Variants in UBN1 observed in about 807,000 individuals in gnomAD.
UBN1 encodes ubinuclein 1, also known as ubinuclein-1.
A neutral mutation model predicts 108.5 loss-of-function variants in UBN1; 17 were observed. The ratio of observed to expected loss-of-function variants is 0.16; its 90% CI spans 0.11 to 0.24. The LOEUF is 0.24. Ranked by LOEUF, UBN1 falls within the 10% of genes least tolerant of loss-of-function variation. The probability of loss-of-function intolerance (pLI) is 1.00; values close to 1 mark genes in which losing one functional copy is unlikely to be tolerated. For synonymous variants in UBN1, 726 were observed against 564.2 expected (o/e 1.29, Z -4.07); for missense variants, 1,595 against 1,394.4 (o/e 1.14, Z -2.29).
In UBN1 at chr16:4,880,519, C is replaced by G. The variant is rs2088046673; in HGVS notation, c.*387C>G. Reference sequence around the variant, plus strand: ...CATTTGGTCAGAGTACCTCAGAGCACCCCACTGCTCAGGGGCTCCTTCTGG... The same window carrying G: ...CATTTGGTCAGAGTACCTCAGAGCAGCCCACTGCTCAGGGGCTCCTTCTGG... On this transcript the variant is annotated 3_prime_UTR_variant, in exon 18 of 18. Coordinates refer to ENST00000262376, the MANE Select transcript of UBN1 (RefSeq NM_001079514.3). 4.9e-6 allele frequency: 1 copy of G among 203,176 alleles called. No individual in the cohort carries two copies. The highest frequency in any genetic ancestry group is 1.0e-5 in the Non-Finnish European group (1 of 95,986). The allele number at this position is 203,176 out of a possible 1,614,324, so 12.6% of individuals were successfully genotyped here.
intron 2 of UBN1, among the ~76,000 whole-genome samples, chr16:4,854,896 G>A (rs1267037744): frequency 1.3e-5 from 2 of 151,948 alleles, no homozygotes; most frequent in Non-Finnish European, 2.9e-5. Flanking sequence ...TTAATTTTTT[G>A]TATTTTTAGT....
chr16:4,874,391 T>C lies in UBN1; in HGVS notation c.1981T>C (p.Leu661=), dbSNP rs146701693. Residue 661 remains leucine (L), a synonymous_variant, in exon 15 of 18, where the codon TTG becomes CTG. Transcript: ENST00000262376. ...TCCTCCTGTCAACCTGGAGGACTCA[T>C]TGGATGAAGACTTGATCCGCAATCC... ...NPPPVNLEDS[L]DEDLIRNPAS... is the part of the protein sequence containing the mutation. 34 of 1,613,936 alleles carry C rather than the reference T, an allele frequency of 2.1e-5. No individual in the cohort carries two copies. Among genetic ancestry groups the C allele is most frequent in the African/African-American group, 1.5e-4 (11 of 74,948 alleles).
chr16:4,851,038 G>A (rs2086532494), intron 1 of UBN1, among the ~76,000 whole-genome samples: 1 of 152,176 alleles, frequency 6.6e-6, no homozygotes, highest in Admixed American at 6.6e-5. Flanking sequence ...TTCAGAAACA[G>A]GCCTTAGATA....
chr16:4,868,738 C>T (rs1596507408), intron 7 of UBN1, 95 bp from the exon 8 acceptor site: 3 of 1,215,700 alleles, frequency 2.5e-6, no homozygotes, highest in Non-Finnish European at 1.2e-6. Context: ...TTGACAGGTG[C>T]TCTTTATGGA....
At chr16:4,849,171 T>G (rs1420402546) in intron 1 of UBN1, among the ~76,000 whole-genome samples, 1 of 152,200 alleles carries the variant, frequency 6.6e-6, no homozygotes, top group Non-Finnish European at 1.5e-5. Flanking sequence ...GCATTCCCCT[T>G]AACATCAGAA....
In UBN1 at chr16:4,869,616, A is replaced by T. The variant is rs995717661; in HGVS notation, c.1182-596A>T. ...TACCACATGGCCTCGCCTGGCCGGGACCTGGATTGGCCCCTTGGGTCAGGA... is the reference window on the plus strand; with the variant it reads ...TACCACATGGCCTCGCCTGGCCGGGTCCTGGATTGGCCCCTTGGGTCAGGA... On this transcript the variant is annotated intron_variant, in intron 8 of 17. Coordinates refer to ENST00000262376, the MANE Select transcript of UBN1 (RefSeq NM_001079514.3). Among the ~76,000 whole-genome samples the T allele has an allele frequency of 1.1e-4, 17 of 152,168 alleles. 1 individual carries two copies. Among genetic ancestry groups the T allele is most frequent in the African/African-American group, 4.1e-4 (17 of 41,422 alleles).
Position 4,860,891 on chromosome 16 carries a change from A to G in UBN1, c.899A>G (p.Asp300Gly). The change falls in exon 7 of 18, where the codon GAC (aspartate) becomes GGC (glycine). Residue 300 changes from aspartate to glycine, a missense_variant. Transcript: ENST00000262376. ...CTCTTTGGCTCTACTTCTGACAACG[A>G]CTTGCTCCAGGCGGCCACTGCCATG... ...LSLFGSTSDN[D>G]LLQAATAMDS... The G allele has an allele frequency of 2.5e-6, 4 of 1,614,242 alleles. No individual in the cohort carries two copies. The highest frequency in any genetic ancestry group is 3.4e-6 in the Non-Finnish European group (4 of 1,180,050).
chr16:4,870,939 C>T lies in UBN1; in HGVS notation c.1526C>T (p.Pro509Leu), dbSNP rs751104114. ...EEKGGRRIMG[P>L]RKKFQWNDEI... ...AAAGGGGGCAGGAGGATAATGGGAC[C>T]TCGGAAGAAGTTCCAATGGAATGAT... Residue 509 changes from proline to leucine, a missense_variant, in exon 11 of 18, where the codon CCT becomes CTT. Coordinates refer to ENST00000262376, the MANE Select transcript of UBN1 (RefSeq NM_001079514.3). 1.2e-6 allele frequency: 2 copies of T among 1,614,158 alleles called. No individual in the cohort carries two copies. The highest frequency in any genetic ancestry group is 1.1e-5 in the South Asian group (1 of 91,080).
At chr16:4,862,848 C>A (rs1001687119) in intron 7 of UBN1, among the ~76,000 whole-genome samples, 1 of 152,240 alleles carries the variant, frequency 6.6e-6, no homozygotes, top group Admixed American at 6.5e-5. Context: ...AGCTGCCCCT[C>A]CTCAGTGATT....
At chr16:4,850,263 C>T (rs1034189372) in intron 1 of UBN1, among the ~76,000 whole-genome samples, 13 of 152,092 alleles carry the variant, frequency 8.5e-5, no homozygotes, top group Non-Finnish European at 1.6e-4. Flanking sequence ...TTTTTACCTT[C>T]TTGGGCCTGG....
In UBN1 at chr16:4,874,661, CAGG is replaced by C. The variant is rs1391722643; in HGVS notation, c.2254_2256del (p.Glu752del). The C allele has an allele frequency of 1.9e-6, 3 of 1,614,104 alleles. No homozygotes were observed. In the African/African-American group the frequency reaches 4.0e-5, roughly 22 times the overall value. On this transcript the variant is annotated inframe_deletion, in exon 15 of 18. Transcript: ENST00000262376. ...GGCTCTGGCACTGGGGCAGTCCTCT[CAGG>C]AGAAAAAACCAGAGAGTTCTGGCTA... is the stretch of plus-strand genomic sequence containing the variant.
intron 7 of UBN1, among the ~76,000 whole-genome samples, chr16:4,863,452 A>G (rs1352851254): frequency 6.6e-6 from 1 of 152,134 alleles, no homozygotes; most frequent in African/African-American, 2.4e-5. Context: ...TATGATTCCA[A>G]AAGCCACATG....
rs140480413 is a variant in UBN1, at chr16:4,853,021, A to G, written c.104A>G (p.His35Arg). The G allele has an allele frequency of 1.1e-4, 178 of 1,614,110 alleles. No homozygotes were observed. Among genetic ancestry groups the G allele is most frequent in the Non-Finnish European group, 1.4e-4 (170 of 1,180,050 alleles). The part of the protein sequence containing the change: ...RKEEAGAGEQ[H>R]QDCEPAAAAV... ...GAGGAGGCTGGGGCAGGAGAACAGC[A>G]TCAGGACTGTGAGCCGGCTGCAGCA... Residue 35 changes from histidine (H) to arginine (R), a missense_variant, in exon 2 of 18, where the codon CAT becomes CGT. This residue lies in a region of UBN1 where 181 missense variants were observed against 157.3 expected (regional missense o/e 1.15). Coordinates refer to ENST00000262376, the MANE Select transcript of UBN1 (RefSeq NM_001079514.3).
At position 4,852,906 on chromosome 16, in the gene UBN1, T is replaced by G; in HGVS notation, c.-12T>G. On this transcript the variant is annotated 5_prime_UTR_variant, in exon 2 of 18. Transcript: ENST00000262376. ...GCCATGCAGTGACACCCGCTAAGAC[T>G]TGTTGGTAGCCATGTCGGAGCCCCA... 2 of 1,611,500 alleles carry G rather than the reference T, an allele frequency of 1.2e-6. No individual in the cohort carries two copies. The highest frequency in any genetic ancestry group is 1.7e-6 in the Non-Finnish European group (2 of 1,178,002).
At chr16:4,874,148 A>C in intron 14 of UBN1, 63 bp from the exon 15 acceptor site, 1 of 1,497,070 alleles carries the variant, frequency 6.7e-7, no homozygotes. Flanking sequence ...TTGTATCCTC[A>C]CAACAGGCCA....
chr16:4,873,725 A>T (rs1218852282), intron 14 of UBN1, among the ~76,000 whole-genome samples: 1 of 152,108 alleles, frequency 6.6e-6, no homozygotes, highest in Admixed American at 6.6e-5. Flanking sequence ...GAAGGATTAG[A>T]CCCCATTCCT....
chr16:4,857,230 G>T (rs1385113837), intron 2 of UBN1, among the ~76,000 whole-genome samples: 1 of 151,528 alleles, frequency 6.6e-6, no homozygotes, highest in East Asian at 1.9e-4. Flanking sequence ...TATGCCTATA[G>T]TCCCAGCTAT....
chr16:4,861,131 C>A, intron 7 of UBN1, 29 bp downstream of exon 7: 1 of 1,587,138 alleles, frequency 6.3e-7, no homozygotes, highest in Non-Finnish European at 8.6e-7. Flanking sequence ...GCTGGGCTTT[C>A]CTGGAAGCAG....
rs761460752 is a variant in UBN1 at position 4,874,407 on chromosome 16, T to C, written c.1997T>C (p.Ile666Thr). 1 of 1,613,866 alleles carries C rather than the reference T, an allele frequency of 6.2e-7. No homozygotes were observed. Residue 666 changes from isoleucine to threonine, a missense_variant, in exon 15 of 18, where the codon ATC becomes ACC. By Grantham distance (89) the Ile-to-Thr change is moderately conservative. Around this residue, in one of 3 missense-constraint regions of UBN1, gnomAD observed 1,398 missense variants for 1,194.7 expected, o/e 1.17. Coordinates refer to ENST00000262376, the MANE Select transcript of UBN1 (RefSeq NM_001079514.3). ...NLEDSLDEDL[I>T]RNPASSVEAV... ...GAGGACTCATTGGATGAAGACTTGA[T>C]CCGCAATCCAGCCTCCTCGGTGGAA...
Sources: allele counts gnomAD v4.1 joint callset (sites outside exome capture counted in the v4.1 genomes callset), GRCh38; gene constraint gnomAD v4.1.1; regional missense constraint gnomAD v4.1.1; transcripts MANE v1.5; gene names NCBI Gene and HGNC (gene_info 2026-07-23, HGNC 2026-07-21).